The following SHISA9 variants were observed in gnomAD, a reference collection of about 807,000 sequenced individuals.
SHISA9 encodes shisa family member 9, also known as protein shisa-9.
Under a neutral mutation model 38.0 loss-of-function variants are expected in SHISA9, and 13 were observed. The observed-to-expected ratio is 0.34, with a 90% CI of 0.22 to 0.54. SHISA9 has a LOEUF of 0.54. SHISA9 is among the 20% of genes least tolerant of loss of function. SHISA9 has a pLI of 0.91. For missense variants in SHISA9, 538 were observed against 575.8 expected, an observed-to-expected ratio of 0.93 and a Z score of 0.67; for synonymous variants, 275 against 242.0, an observed-to-expected ratio of 1.14 and a Z score of -1.27.
At chr16:13,474,698 A>G in the SHISA9 span, among the ~76,000 whole-genome samples, 2 of 152,216 alleles carry the variant, frequency 1.3e-5, no homozygotes, top group Non-Finnish European at 2.9e-5. Flanking sequence ...AAAGATAGTG[A>G]CTATTTTAGA....
At chr16:12,998,956 C>G (rs1354983569) in intron 2 of SHISA9, among the ~76,000 whole-genome samples, 7 of 152,148 alleles carry the variant, frequency 4.6e-5, no homozygotes, top group Admixed American at 4.6e-4. Context: ...GGGTTGGGTT[C>G]CTGTGAGCCC....
chr16:13,390,877 G>A, the SHISA9 span, among the ~76,000 whole-genome samples: 6 of 152,304 alleles, frequency 3.9e-5, no homozygotes, highest in South Asian at 1.2e-3. Context: ...TTTCACAAGA[G>A]GCAGTCTGAG....
At chr16:12,938,995 C>T (rs972462655) in intron 2 of SHISA9, among the ~76,000 whole-genome samples, 1 of 152,120 alleles carries the variant, frequency 6.6e-6, no homozygotes, top group Admixed American at 6.6e-5. Context: ...TGAGTTAGTA[C>T]ATTCAGATGA....
Position 13,235,431 on chromosome 16 carries a change from C to A in SHISA9, c.*22C>A. On this transcript the variant is annotated 3_prime_UTR_variant, in exon 5 of 5. Transcript: ENST00000558583. Reference sequence around the variant, plus strand: ...CTGAGCTTTCACCACAGGGAGCACCCTGGAGACCACACTCAACTGAGAGAG... The same window carrying A: ...CTGAGCTTTCACCACAGGGAGCACCATGGAGACCACACTCAACTGAGAGAG... 6.6e-7 allele frequency: 1 copy of A among 1,521,688 alleles called. No individual in the cohort carries two copies. Among genetic ancestry groups the A allele is most frequent in the Non-Finnish European group, 8.8e-7 (1 of 1,138,200 alleles). The allele number at this position is 1,521,688 out of a possible 1,614,324, so 94.3% of individuals were successfully genotyped here.
chr16:13,422,157 G>T, the SHISA9 span, among the ~76,000 whole-genome samples: 6 of 152,244 alleles, frequency 3.9e-5, no homozygotes, highest in East Asian at 1.2e-3. Flanking sequence ...GTAAAATACG[G>T]GCTGATGTCT....
intron 2 of SHISA9, among the ~76,000 whole-genome samples, chr16:13,019,931 CTT>C (rs1309440319): frequency 1.8e-4 from 17 of 95,048 alleles, no homozygotes; most frequent in Non-Finnish European, 2.8e-4. Flanking sequence ...TTCTTTCTTT[CTT>C]TCTTTCTTTC....
At chr16:13,529,850 C>A in the SHISA9 span, among the ~76,000 whole-genome samples, 1 of 152,222 alleles carries the variant, frequency 6.6e-6, no homozygotes, top group African/African-American at 2.4e-5. Flanking sequence ...AGGCCAATCC[C>A]ACCCACAGCT....
chr16:13,463,081 G>A, the SHISA9 span, among the ~76,000 whole-genome samples: 6 of 150,932 alleles, frequency 4.0e-5, no homozygotes, highest in African/African-American at 1.2e-4. Context: ...ACTTGAGCCT[G>A]GGGGGGGAAG....
the SHISA9 span, among the ~76,000 whole-genome samples, chr16:13,262,557 T>C: frequency 6.6e-6 from 1 of 151,856 alleles, no homozygotes; most frequent in Admixed American, 6.6e-5. Flanking sequence ...TTTTTCAACT[T>C]GACCCATAGA....
the SHISA9 span, among the ~76,000 whole-genome samples, chr16:13,435,182 A>G: frequency 6.6e-6 from 1 of 151,788 alleles, no homozygotes; most frequent in Non-Finnish European, 1.5e-5. Flanking sequence ...TATCATTTTA[A>G]CCATATTTAT....
intron 2 of SHISA9, among the ~76,000 whole-genome samples, chr16:13,052,583 C>G (rs944324443): frequency 6.6e-6 from 1 of 152,224 alleles, no homozygotes; most frequent in African/African-American, 2.4e-5. Flanking sequence ...AGAAATACAA[C>G]TGACGGACAG....
the SHISA9 span, among the ~76,000 whole-genome samples, chr16:13,248,265 T>A: frequency 6.6e-6 from 1 of 152,176 alleles, no homozygotes; most frequent in Non-Finnish European, 1.5e-5. Flanking sequence ...AAACCTCATT[T>A]TGTAATTCAT....
chr16:13,140,079 C>A (rs952455080), intron 2 of SHISA9, among the ~76,000 whole-genome samples: 3 of 131,980 alleles, frequency 2.3e-5, no homozygotes, highest in Non-Finnish European at 4.8e-5. Flanking sequence ...TTCTCCTTTC[C>A]TCTTCTCTTC....
At chr16:13,242,256 G>A (rs145802158), downstream of SHISA9, among the ~76,000 whole-genome samples, 7 of 152,264 alleles carry the variant, frequency 4.6e-5, no homozygotes, top group South Asian at 2.1e-4. Context: ...ACCTGGATTC[G>A]CATGTGAATC....
At chr16:13,123,122 A>G (rs1314388161) in intron 2 of SHISA9, among the ~76,000 whole-genome samples, 1 of 150,980 alleles carries the variant, frequency 6.6e-6, no homozygotes, top group Non-Finnish European at 1.5e-5. Context: ...GCAAATAAAC[A>G]GGATAGAACT....
At chr16:13,277,819 A>C in the SHISA9 span, among the ~76,000 whole-genome samples, 3 of 152,010 alleles carry the variant, frequency 2.0e-5, no homozygotes, top group Non-Finnish European at 4.4e-5. Flanking sequence ...TTTCTGGAAG[A>C]GTCCTTAGGG....
chr16:13,287,664 C>G, the SHISA9 span, among the ~76,000 whole-genome samples: 1 of 152,090 alleles, frequency 6.6e-6, no homozygotes, highest in Non-Finnish European at 1.5e-5. Flanking sequence ...TTTGTGCTGG[C>G]TTTTGTCCAG....
chr16:13,555,105 A>G, the SHISA9 span, among the ~76,000 whole-genome samples: 1 of 152,242 alleles, frequency 6.6e-6, no homozygotes, highest in Non-Finnish European at 1.5e-5. Context: ...AACCTGACTT[A>G]TCTCAGCCCT....
At chr16:13,457,081 C>A in the SHISA9 span, among the ~76,000 whole-genome samples, 1 of 152,198 alleles carries the variant, frequency 6.6e-6, no homozygotes, top group Non-Finnish European at 1.5e-5. Flanking sequence ...CCAAGGCGGG[C>A]GGATCACCTG....
Sources: allele counts gnomAD v4.1 joint callset (sites outside exome capture counted in the v4.1 genomes callset), GRCh38; gene constraint gnomAD v4.1.1; transcripts MANE v1.5; gene names NCBI Gene and HGNC (gene_info 2026-07-23, HGNC 2026-07-21).